ZNF611: variants seen among roughly 807,000 people sequenced by gnomAD.
ZNF611 encodes zinc finger protein 611.
In ZNF611, 6 loss-of-function variants were observed where a neutral mutation model predicts 8.9. The ratio of observed to expected loss-of-function variants is 0.68; its 90% CI spans 0.37 to 1.34. ZNF611 has a LOEUF of 1.34. Among genes scored for constraint, ZNF611 ranks in the 40% most tolerant of loss-of-function variants. The probability of loss-of-function intolerance (pLI) is 0.02; values close to 1 mark genes in which losing one functional copy is unlikely to be tolerated. For missense variants in ZNF611, 874 were observed against 841.3 expected, an observed-to-expected ratio of 1.04 and a Z score of -0.48; for synonymous variants, 262 against 279.7, an observed-to-expected ratio of 0.94 and a Z score of 0.63.
At chr19:52,731,412 C>T (rs1243657206) in intron 1 of ZNF611, among the ~76,000 whole-genome samples, 1 of 152,020 alleles carries the variant, frequency 6.6e-6, no homozygotes, top group Non-Finnish European at 1.5e-5. Flanking sequence ...GCTCTGTTGC[C>T]CAGGCTGGCA....
rs1288067539 is a variant in ZNF611 at position 52,704,342 on chromosome 19, G to T, written c.*595C>A. 1.5e-5 allele frequency: 9 copies of T among 607,404 alleles called. No individual in the cohort carries two copies. The highest frequency in any genetic ancestry group is 2.3e-5 in the Non-Finnish European group (7 of 310,556). The allele number at this position is 607,404 out of a possible 1,614,324, so 37.6% of individuals were successfully genotyped here. On this transcript the variant is annotated 3_prime_UTR_variant, in exon 6 of 6. Transcript: ENST00000652185. ...CTTGGACTGAAGACCTTGCCACACT[G>T]ATGACATTTGTAAGATTTCTGTCCA...
intron 1 of ZNF611, among the ~76,000 whole-genome samples, chr19:52,733,008 A>G (rs1042088093): frequency 1.3e-5 from 2 of 152,142 alleles, no homozygotes; most frequent in Non-Finnish European, 1.5e-5. Flanking sequence ...GACAGTGACT[A>G]TTTTCCCACT....
rs924499526 is a variant in ZNF611, at chr19:52,703,285, ATT to A, written c.*1650_*1651del. The A allele has an allele frequency of 6.6e-6, 1 of 151,904 alleles. No individual in the cohort carries two copies. The highest frequency in any genetic ancestry group is 2.4e-5 in the African/African-American group (1 of 41,364). The allele number at this position is 151,904 out of a possible 1,614,324, so 9.4% of individuals were successfully genotyped here. On this transcript the variant is annotated 3_prime_UTR_variant, in exon 6 of 6. Transcript: ENST00000652185. ...AGCATTTTTGAGGTCTTTTTTTGTT[ATT>A]TTTTGTTTGTTTGAGATGGAGACTC...
chr19:52,733,516 G>A (rs2450865), intron 1 of ZNF611, among the ~76,000 whole-genome samples: 1 of 146,024 alleles, frequency 6.8e-6, no homozygotes, highest in Non-Finnish European at 1.5e-5. Context: ...TGCCCAAGCT[G>A]GTCTCGAACT....
Position 52,706,042 on chromosome 19 carries a change from GTATCAATTGCCT to G in ZNF611, c.1001_1012del (p.Lys334_Asp337del). 6.2e-7 allele frequency: 1 copy of G among 1,614,032 alleles called. No individual in the cohort carries two copies. The highest frequency in any genetic ancestry group is 8.5e-7 in the Non-Finnish European group (1 of 1,179,996). On this transcript the variant is annotated inframe_deletion, in exon 6 of 6. Coordinates refer to ENST00000652185, the MANE Select transcript of ZNF611 (RefSeq NM_001161499.2). ...ATTACACTTGTAAGGATTTTCTCCA[GTATCAATTGCCT>G]TATCAATTAGAAGGGCTGAATTTTG...
At position 52,703,588 on chromosome 19, in the gene ZNF611, CCTT is replaced by C. The variant is rs2062219040; in HGVS notation, c.*1346_*1348del. 1 of 111,836 alleles carries C rather than the reference CCTT, an allele frequency of 8.9e-6. No homozygotes were observed. 6.9% of individuals were successfully genotyped at this position (111,836 alleles called of 1,614,324 possible). ...CCACCACGTACCGAGGCTTTGATAT[CCTT>C]TTTTTTTTTTTTTTTTTTGAGATAG... On this transcript the variant is annotated 3_prime_UTR_variant, in exon 6 of 6. Transcript: ENST00000652185.
intron 3 of ZNF611, among the ~76,000 whole-genome samples, chr19:52,722,965 T>C (rs2062369496): frequency 1.3e-5 from 2 of 149,900 alleles, no homozygotes; most frequent in South Asian, 2.2e-4. Context: ...CAGGCTGGTC[T>C]TGAACTCCTG....
intron 5 of ZNF611, among the ~76,000 whole-genome samples, chr19:52,711,488 A>C (rs977512250): frequency 1.3e-5 from 2 of 152,220 alleles, no homozygotes; most frequent in Non-Finnish European, 2.9e-5. Flanking sequence ...GATCCTGGGC[A>C]TGAAGGATCC....
intron 3 of ZNF611, among the ~76,000 whole-genome samples, chr19:52,723,046 C>T (rs1284754830): frequency 6.6e-6 from 1 of 151,244 alleles, no homozygotes; most frequent in Non-Finnish European, 1.5e-5. Flanking sequence ...TGCGCCTGGC[C>T]CCTCTTTCTT....
chr19:52,732,248 T>C (rs73580414), intron 1 of ZNF611, among the ~76,000 whole-genome samples: 89,817 of 128,284 alleles, frequency 0.7, 32,758 homozygotes, highest in African/African-American at 0.86. Flanking sequence ...CCAGCCTGGG[T>C]GACAGAGCAA....
chr19:52,706,898 A>G, intron 5 of ZNF611, 34 bp from the exon 6 acceptor site: 1 of 1,586,558 alleles, frequency 6.3e-7, no homozygotes, highest in African/African-American at 1.4e-5. Context: ...ATTTCCAATT[A>G]AGTACAGATG....
chr19:52,733,016 A>G (rs184725660), intron 1 of ZNF611, among the ~76,000 whole-genome samples: 86 of 152,220 alleles, frequency 5.6e-4, no homozygotes, highest in South Asian at 2.7e-3. Context: ...CTATTTTCCC[A>G]CTTCACTGAC....
chr19:52,708,995 A>G (rs1208416389), intron 5 of ZNF611, among the ~76,000 whole-genome samples: 1 of 152,240 alleles, frequency 6.6e-6, no homozygotes, highest in Non-Finnish European at 1.5e-5. Context: ...AATATAAAAC[A>G]TAGAATGTGT....
In ZNF611 at chr19:52,703,624, C is replaced by A. The variant is rs1175717468; in HGVS notation, c.*1313G>T. 1 of 136,778 alleles carries A rather than the reference C, an allele frequency of 7.3e-6. No individual in the cohort carries two copies. The highest frequency in any genetic ancestry group is 1.5e-5 in the Non-Finnish European group (1 of 64,586). The allele number at this position is 136,778 out of a possible 1,614,324, so 8.5% of individuals were successfully genotyped here. A position where few individuals can be genotyped will look rare whatever the true frequency, so the allele number is the denominator to read the frequency against. ...TTTTTTTTTTTGAGATAGACTCTCA[C>A]TCTGTCGCCCAGGCTGGAGCCCAGT... On this transcript the variant is annotated 3_prime_UTR_variant, in exon 6 of 6. Transcript: ENST00000652185.
intron 5 of ZNF611, chr19:52,708,526 CA>C (rs1264062200): frequency 6.6e-6 from 1 of 151,126 alleles, no homozygotes; most frequent in Non-Finnish European, 1.5e-5. Flanking sequence ...AGAAAATACA[CA>C]GCATCTTAAG....
At chr19:52,716,811 C>G (rs2062320415) in intron 3 of ZNF611, among the ~76,000 whole-genome samples, 1 of 152,152 alleles carries the variant, frequency 6.6e-6, no homozygotes, top group Non-Finnish European at 1.5e-5. Context: ...AATCCCAGCA[C>G]TGTGGGAGGC....
At chr19:52,732,727 T>C (rs1388745239) in intron 1 of ZNF611, among the ~76,000 whole-genome samples, 1 of 151,488 alleles carries the variant, frequency 6.6e-6, no homozygotes, top group East Asian at 1.9e-4. Context: ...GGAGGATCCT[T>C]TGAGCCCAGG....
chr19:52,734,187 G>GCTTTTTT (rs1324698406), intron 1 of ZNF611, among the ~76,000 whole-genome samples: 1 of 84,666 alleles, frequency 1.2e-5, no homozygotes. Context: ...GCTTTCTTAG[G>GCTTTTTT]TTTTTTTTTT....
In ZNF611 at chr19:52,734,791, T is replaced by A. The variant is rs57438910; in HGVS notation, c.-222+210A>T. ...AACAGAAAGTGTATACATTGACCTATAGCAGAAAGACCGGGGACGAGACCA... is the reference window on the plus strand; with the variant it reads ...AACAGAAAGTGTATACATTGACCTAAAGCAGAAAGACCGGGGACGAGACCA... On this transcript the variant is annotated intron_variant, in intron 1 of 5. Transcript: ENST00000652185. Among the ~76,000 whole-genome samples, 41 of 152,168 alleles carry A rather than the reference T, an allele frequency of 2.7e-4. 1 individual carries two copies. Among genetic ancestry groups the A allele is most frequent in the Middle Eastern group, 3.4e-3 (1 of 292 alleles).
Sources: allele counts gnomAD v4.1 joint callset (sites outside exome capture counted in the v4.1 genomes callset), GRCh38; gene constraint gnomAD v4.1.1; transcripts MANE v1.5; gene names NCBI Gene and HGNC (gene_info 2026-07-23, HGNC 2026-07-21).